Variants in RPA3 observed in about 807,000 individuals in gnomAD.
RPA3 encodes the protein replication protein A3.
Under a neutral mutation model 13.7 loss-of-function variants are expected in RPA3, and 24 were observed. The observed-to-expected ratio is 1.75, with a 90% CI of 1.27 to 2.46. RPA3 has a LOEUF of 2.46. Ranked by LOEUF, RPA3 falls within the 30% of genes most tolerant of loss-of-function variation. RPA3 has a pLI of 0.00. For synonymous variants in RPA3, 59 were observed against 51.2 expected, an observed-to-expected ratio of 1.15 and a Z score of -0.65; for missense variants, 183 against 151.0, an observed-to-expected ratio of 1.21 and a Z score of -1.11.
intron 4 of RPA3, chr7:7,676,311 G>A (rs530843420): frequency 5.1e-6 from 2 of 394,068 alleles, no homozygotes; most frequent in South Asian, 1.4e-4. Context: ...GTTAATGTGT[G>A]TAAAATGTTT....
intron 2 of RPA3, among the ~76,000 whole-genome samples, chr7:7,696,143 C>A (rs756969032): frequency 1.4e-4 from 21 of 151,726 alleles, no homozygotes; most frequent in Non-Finnish European, 2.2e-4. Context: ...GTAGCTGGGA[C>A]TACAGGCATG....
chr7:7,640,233 T>C (rs1315516440), intron 5 of RPA3, 87 bp downstream of exon 5: 2 of 1,386,094 alleles, frequency 1.4e-6, no homozygotes, highest in Non-Finnish European at 2.0e-6. Flanking sequence ...ATCGGAGGCT[T>C]TCCGTCCTTT....
chr7:7,693,066 C>T (rs567975755), intron 2 of RPA3, among the ~76,000 whole-genome samples: 6 of 152,204 alleles, frequency 3.9e-5, no homozygotes, highest in Middle Eastern at 3.4e-3. Flanking sequence ...ATATCTACTT[C>T]ATTATTCTGT....
rs536861586 is a variant in RPA3 at position 7,658,926 on chromosome 7, A to G, written c.-757-17751T>C. ...TCTGGTAGAATTTGGCTGTGAATCC[A>G]TCTGTTCCTGGACTTTTTTTGGTTG... On this transcript the variant is annotated intron_variant, in intron 4 of 7. Transcript: ENST00000223129. Among the ~76,000 whole-genome samples the G allele has an allele frequency of 3.2e-3, 492 of 152,266 alleles. 1 individual carries two copies. The highest frequency in any genetic ancestry group is 0.011 in the African/African-American group (474 of 41,540).
rs925062380 is a variant in RPA3 at position 7,690,263 on chromosome 7, G to A, written c.-1027-2935C>T. On this transcript the variant is annotated intron_variant, in intron 2 of 7. Coordinates refer to ENST00000223129, the MANE Select transcript of RPA3 (RefSeq NM_002947.5). ...GAAATGTATTTCCAAAACGCTGAAG[G>A]CAATAAATGAAACCATAATTTTTTT... Among the ~76,000 whole-genome samples, 4 of 152,054 alleles carry A rather than the reference G, an allele frequency of 2.6e-5. No individual in the cohort carries two copies. The South Asian group carries it at 6.2e-4, about 24-fold the overall frequency.
intron 4 of RPA3, among the ~76,000 whole-genome samples, chr7:7,674,557 C>A (rs941648814): frequency 6.6e-6 from 1 of 152,148 alleles, no homozygotes; most frequent in African/African-American, 2.4e-5. Context: ...TTCTTCAGAC[C>A]AGATCCCTTA....
chr7:7,709,581 A>G (rs1470038925), intron 2 of RPA3, among the ~76,000 whole-genome samples: 1 of 152,246 alleles, frequency 6.6e-6, no homozygotes, highest in Non-Finnish European at 1.5e-5. Context: ...TTGTGGGATA[A>G]GAATGGTTTG....
rs1324036860 is a variant in RPA3, at chr7:7,683,056, T to A, written c.-758+2774A>T. ...CACCACCCTTCCTTAACTCCTTGAA[T>A]GTACAGTGAAAGGCAATTGCATGAA... On this transcript the variant is annotated intron_variant, in intron 4 of 7. Transcript: ENST00000223129. 2.6e-5 allele frequency among the ~76,000 whole-genome samples: 4 copies of A among 152,332 alleles called. No individual in the cohort carries two copies. The East Asian group carries it at 7.7e-4, about 29-fold the overall frequency.
chr7:7,661,081 A>G (rs527815741), intron 4 of RPA3, among the ~76,000 whole-genome samples: 158 of 151,868 alleles, frequency 1.0e-3, no homozygotes, highest in South Asian at 3.9e-3. Context: ...AATCTCTGAT[A>G]TCCTTTCTTC....
intron 2 of RPA3, among the ~76,000 whole-genome samples, chr7:7,690,669 A>C (rs916092329): frequency 6.6e-6 from 1 of 152,182 alleles, no homozygotes; most frequent in African/African-American, 2.4e-5. Flanking sequence ...AGAATACTTT[A>C]ATATATCTAA....
At chr7:7,702,218 G>C (rs1007307648) in intron 2 of RPA3, among the ~76,000 whole-genome samples, 29 of 152,082 alleles carry the variant, frequency 1.9e-4, no homozygotes, top group Admixed American at 9.2e-4. Flanking sequence ...ACAGTAAAAG[G>C]CTATTTCACA....
At chr7:7,678,285 G>A (rs1779799052) in intron 4 of RPA3, among the ~76,000 whole-genome samples, 2 of 151,304 alleles carry the variant, frequency 1.3e-5, no homozygotes, top group Admixed American at 6.6e-5. Context: ...CATTTTAACT[G>A]GGTTGAGATG....
chr7:7,655,513 A>G (rs192792634), intron 4 of RPA3, among the ~76,000 whole-genome samples: 154 of 152,320 alleles, frequency 1.0e-3, no homozygotes, highest in African/African-American at 3.3e-3. Context: ...TTGATGCTCT[A>G]TAATTGATTT....
intron 2 of RPA3, among the ~76,000 whole-genome samples, chr7:7,710,777 T>C (rs1780737945): frequency 6.6e-6 from 1 of 152,182 alleles, no homozygotes; most frequent in South Asian, 2.1e-4. Context: ...AGACCCAAAC[T>C]GGATACACAC....
At chr7:7,716,660 G>A (rs1345791539) in intron 1 of RPA3, among the ~76,000 whole-genome samples, 1 of 152,088 alleles carries the variant, frequency 6.6e-6, no homozygotes, top group Non-Finnish European at 1.5e-5. Context: ...GGTGGAGGCC[G>A]GCGCGGCCGG....
At chr7:7,646,884 G>C (rs1292738162) in intron 4 of RPA3, among the ~76,000 whole-genome samples, 1 of 152,086 alleles carries the variant, frequency 6.6e-6, no homozygotes, top group Non-Finnish European at 1.5e-5. Context: ...ACAGAATAGG[G>C]GTGACATATT....
chr7:7,648,583 G>T (rs902628765), intron 4 of RPA3, among the ~76,000 whole-genome samples: 2 of 152,142 alleles, frequency 1.3e-5, no homozygotes, highest in Non-Finnish European at 2.9e-5. Context: ...AGGGGAATTG[G>T]CTCACTCCTG....
Position 7,639,042 on chromosome 7 carries a change from T to C in RPA3, c.174+28A>G, listed in dbSNP as rs28916301. The C allele has an allele frequency of 2.0e-3, 3,092 of 1,545,382 alleles. 64 individuals are homozygous for C. In the African/African-American group the frequency reaches 0.038, roughly 19 times the overall value. On this transcript the variant is annotated intron_variant, in intron 6 of 7. Transcript: ENST00000223129. ...AAGATGAAGAATTAACTATAATATATAAGAGACTTATTAACACTTAAACAT... is the reference window on the plus strand; with the variant it reads ...AAGATGAAGAATTAACTATAATATACAAGAGACTTATTAACACTTAAACAT...
At chr7:7,714,712 G>A (rs1780849559) in intron 2 of RPA3, among the ~76,000 whole-genome samples, 1 of 152,140 alleles carries the variant, frequency 6.6e-6, no homozygotes, top group African/African-American at 2.4e-5. Flanking sequence ...GCAAATAAAG[G>A]CCTCAGCTGA....
Sources: gnomAD v4.1 joint callset for allele counts (sites outside exome capture counted in the v4.1 genomes callset) on GRCh38, gnomAD v4.1.1 for gene constraint, MANE v1.5 for transcripts, NCBI Gene and HGNC (gene_info 2026-07-23, HGNC 2026-07-21) for gene names.